The following ANO2 variants were observed in gnomAD, a reference collection of about 807,000 sequenced individuals.
The protein encoded by ANO2 is anoctamin 2, also known as anoctamin-2.
In ANO2, 101 loss-of-function variants were observed where a neutral mutation model predicts 124.2. That is an observed-to-expected ratio of 0.81 (90% CI 0.69 to 0.96). The LOEUF (loss-of-function observed/expected upper bound fraction) is 0.96. Ranked by LOEUF, ANO2 falls within the 40% of genes least tolerant of loss-of-function variation. The pLI is 0.00. For missense variants in ANO2, 1,293 were observed against 1,274.5 expected, an observed-to-expected ratio of 1.01 and a Z score of -0.22; for synonymous variants, 486 against 482.5, an observed-to-expected ratio of 1.01 and a Z score of -0.09.
intron 7 of ANO2, among the ~76,000 whole-genome samples, chr12:5,826,629 A>C (rs1953965175): frequency 6.6e-6 from 1 of 152,174 alleles, no homozygotes; most frequent in Non-Finnish European, 1.5e-5. Context: ...GGAATCTTGT[A>C]GCAAGATGAA....
intron 19 of ANO2, among the ~76,000 whole-genome samples, chr12:5,604,174 G>A (rs1358178521): frequency 6.6e-6 from 1 of 152,106 alleles, no homozygotes; most frequent in Non-Finnish European, 1.5e-5. Flanking sequence ...AGAAGGGAAG[G>A]ACAATGAGGA....
chr12:5,569,168 C>T (rs747136578), intron 23 of ANO2, among the ~76,000 whole-genome samples: 4 of 152,198 alleles, frequency 2.6e-5, no homozygotes, highest in Non-Finnish European at 5.9e-5. Flanking sequence ...TACAGGGCTT[C>T]TCTCAGGACC....
At chr12:5,914,116 CT>C (rs1262570442) in intron 3 of ANO2, among the ~76,000 whole-genome samples, 1 of 152,030 alleles carries the variant, frequency 6.6e-6, no homozygotes, top group Non-Finnish European at 1.5e-5. Flanking sequence ...AGGAGAATCA[CT>C]TGAACCCGGG....
chr12:5,574,431 T>C (rs1210028420), intron 23 of ANO2, among the ~76,000 whole-genome samples: 2 of 152,108 alleles, frequency 1.3e-5, no homozygotes, highest in Admixed American at 1.3e-4. Context: ...AACATCGTTT[T>C]AAATGTAACA....
At chr12:5,785,061 A>G (rs1270635425) in intron 10 of ANO2, among the ~76,000 whole-genome samples, 1 of 152,184 alleles carries the variant, frequency 6.6e-6, no homozygotes, top group Admixed American at 6.5e-5. Flanking sequence ...GGCATTCCCC[A>G]GCTCCACCCC....
At chr12:5,640,997 G>A (rs1946350449) in intron 15 of ANO2, among the ~76,000 whole-genome samples, 1 of 152,138 alleles carries the variant, frequency 6.6e-6, no homozygotes, top group Non-Finnish European at 1.5e-5. Flanking sequence ...GTGATAGACT[G>A]GATTAAGAAA....
chr12:5,668,785 C>T (rs1444795346), intron 14 of ANO2, among the ~76,000 whole-genome samples: 4 of 152,178 alleles, frequency 2.6e-5, no homozygotes, highest in African/African-American at 9.7e-5. Context: ...TCTCCCAGCA[C>T]CATTTATTAA....
intron 13 of ANO2, among the ~76,000 whole-genome samples, chr12:5,735,718 T>C (rs1015971181): frequency 3.9e-5 from 6 of 152,124 alleles, no homozygotes; most frequent in Non-Finnish European, 5.9e-5. Flanking sequence ...GGAAAAGCAG[T>C]CTGTGCAACA....
chr12:5,659,599 G>GTAAT (rs1947341819), intron 14 of ANO2, among the ~76,000 whole-genome samples: 1 of 152,234 alleles, frequency 6.6e-6, no homozygotes, highest in Admixed American at 6.5e-5. Flanking sequence ...AGAACGCAGT[G>GTAAT]TAATTTGTGG....
chr12:5,878,475 T>C lies in ANO2; in HGVS notation c.535-24334A>G, dbSNP rs181851253. On this transcript the variant is annotated intron_variant, in intron 3 of 24. Coordinates refer to ENST00000682330, the MANE Select transcript of ANO2 (RefSeq NM_001364791.2). Reference sequence around the variant, plus strand: ...CACAATGCCTGGGTCATAACAAGTATGTCCAAAACACTTGATAAATTCATT... The same window carrying C: ...CACAATGCCTGGGTCATAACAAGTACGTCCAAAACACTTGATAAATTCATT... Among the ~76,000 whole-genome samples the C allele has an allele frequency of 1.9e-3, 295 of 152,352 alleles. 1 individual carries two copies. Among genetic ancestry groups the C allele is most frequent in the Non-Finnish European group, 2.2e-3 (148 of 68,034 alleles).
chr12:5,610,615 G>GTATATATT (rs1176639248), intron 19 of ANO2, among the ~76,000 whole-genome samples: 1 of 138,598 alleles, frequency 7.2e-6, no homozygotes, highest in East Asian at 2.0e-4. Flanking sequence ...ATTTATATAT[G>GTATATATT]TATATATTTA....
intron 14 of ANO2, among the ~76,000 whole-genome samples, chr12:5,663,130 C>T (rs566271105): frequency 1.3e-5 from 2 of 152,320 alleles, no homozygotes; most frequent in South Asian, 4.1e-4. Flanking sequence ...ACATGCCTGC[C>T]TCTTCTCTGG....
intron 16 of ANO2, among the ~76,000 whole-genome samples, chr12:5,633,076 G>A (rs940709383): frequency 6.6e-6 from 1 of 152,218 alleles, no homozygotes; most frequent in African/African-American, 2.4e-5. Flanking sequence ...CCTCCATGCG[G>A]TGGGAGTGTA....
At chr12:5,792,449 T>TTCC (rs1952725581) in intron 10 of ANO2, among the ~76,000 whole-genome samples, 1 of 152,240 alleles carries the variant, frequency 6.6e-6, no homozygotes, top group African/African-American at 2.4e-5. Flanking sequence ...ATGTTTTCTT[T>TTCC]AGGTGTGATG....
chr12:5,800,148 G>C (rs184598511), intron 9 of ANO2, among the ~76,000 whole-genome samples: 4 of 152,286 alleles, frequency 2.6e-5, no homozygotes, highest in African/African-American at 7.2e-5. Flanking sequence ...ACAAAGGAAG[G>C]GGGGAGGGTG....
Position 5,945,232 on chromosome 12 carries a change from C to G in ANO2, c.-15G>C. The G allele has an allele frequency of 7.8e-7, 1 of 1,285,530 alleles. No individual in the cohort carries two copies. The highest frequency in any genetic ancestry group is 1.2e-5 in the South Asian group (1 of 80,382). 79.6% of individuals were successfully genotyped at this position (1,285,530 alleles called of 1,614,324 possible). On this transcript the variant is annotated 5_prime_UTR_variant, in exon 1 of 25. Coordinates refer to ENST00000682330, the MANE Select transcript of ANO2 (RefSeq NM_001364791.2). ...GGAGTCGCCATGATGTGGACGCAGACCCCGCCGGCCCGCGGCCGCGCGCTT... is the reference window on the plus strand; with the variant it reads ...GGAGTCGCCATGATGTGGACGCAGAGCCCGCCGGCCCGCGGCCGCGCGCTT...
chr12:5,942,098 G>A (rs1002642640), intron 1 of ANO2, among the ~76,000 whole-genome samples: 3 of 152,138 alleles, frequency 2.0e-5, no homozygotes, highest in Non-Finnish European at 2.9e-5. Flanking sequence ...GGAGTGCCGC[G>A]TATCCCTTTC....
At position 5,915,758 on chromosome 12, in the gene ANO2, T is replaced by G. The variant is rs1462092088; in HGVS notation, c.534+5282A>C. Among the ~76,000 whole-genome samples, 3 of 152,192 alleles carry G rather than the reference T, an allele frequency of 2.0e-5. No homozygotes were observed. The East Asian group carries it at 5.8e-4, about 29-fold the overall frequency. ...AGCATCTTAACATGGTGAAAAGTTGTTCAGAACCTCACAGCCTCTAGCTGA... is the reference window on the plus strand; with the variant it reads ...AGCATCTTAACATGGTGAAAAGTTGGTCAGAACCTCACAGCCTCTAGCTGA... On this transcript the variant is annotated intron_variant, in intron 3 of 24. Coordinates refer to ENST00000682330, the MANE Select transcript of ANO2 (RefSeq NM_001364791.2).
chr12:5,891,837 G>A (rs979849860), intron 3 of ANO2, among the ~76,000 whole-genome samples: 2 of 27,698 alleles, frequency 7.2e-5, no homozygotes, highest in African/African-American at 2.0e-4. Context: ...AACACAAATA[G>A]GATTTAATAA....
Sources: gnomAD v4.1 joint callset for allele counts (sites outside exome capture counted in the v4.1 genomes callset) on GRCh38, gnomAD v4.1.1 for gene constraint, MANE v1.5 for transcripts, NCBI Gene and HGNC (gene_info 2026-07-23, HGNC 2026-07-21) for gene names.